Variants in GNAI1 observed in about 807,000 individuals in gnomAD.
GNAI1 encodes the protein G protein subunit alpha i1, also known as guanine nucleotide-binding protein G(i) subunit alpha-1.
Under a neutral mutation model 38.9 loss-of-function variants are expected in GNAI1, and 11 were observed. The ratio of observed to expected loss-of-function variants is 0.28; its 90% CI spans 0.18 to 0.47. The LOEUF is 0.47. Ranked by LOEUF, GNAI1 falls within the 20% of genes least tolerant of loss-of-function variation. The pLI is 0.99. For missense variants in GNAI1, 317 were observed against 436.9 expected (o/e 0.73, Z 2.45); for synonymous variants, 166 against 145.1 (o/e 1.14, Z -1.04).
intron 1 of GNAI1, among the ~76,000 whole-genome samples, chr7:80,168,187 G>A (rs551991363): frequency 1.3e-5 from 2 of 152,088 alleles, no homozygotes; most frequent in East Asian, 3.9e-4. Flanking sequence ...TACAAGAAAT[G>A]GCATTTGACA....
In GNAI1 at chr7:80,163,330, T is replaced by C. The variant is rs369342518; in HGVS notation, c.119-25621T>C. Among the ~76,000 whole-genome samples, 33 of 152,334 alleles carry C rather than the reference T, an allele frequency of 2.2e-4. No individual in the cohort carries two copies. The East Asian group carries it at 6.0e-3, about 28-fold the overall frequency. On this transcript the variant is annotated intron_variant, in intron 1 of 7. Transcript: ENST00000649796. ...TTCTGTGGGTAGGTTCATACCTGTT[T>C]ACCAAATGCAGGTGTCTTCTGAACA...
intron 1 of GNAI1, among the ~76,000 whole-genome samples, chr7:80,168,513 G>A (rs374497589): frequency 3.3e-5 from 5 of 151,862 alleles, no homozygotes; most frequent in East Asian, 1.9e-4. Context: ...TCAGCCTCCC[G>A]AGTAGCTGGG....
chr7:80,213,099 G>A (rs1042610056), intron 7 of GNAI1, among the ~76,000 whole-genome samples: 4 of 152,164 alleles, frequency 2.6e-5, no homozygotes, highest in Non-Finnish European at 4.4e-5. Flanking sequence ...ATAATTTTTA[G>A]TGATGACTCC....
At position 80,135,101 on chromosome 7, in the gene GNAI1, G is replaced by C. The variant is rs977845456; in HGVS notation, c.-60G>C. ...GCTAGGAGAGAGAAAGGATTCCCCT[G>C]TGCTTGGAGCCCGCACTCGGGCGCG... On this transcript the variant is annotated 5_prime_UTR_variant, in exon 1 of 8. Transcript: ENST00000649796. 4 of 1,196,324 alleles carry C rather than the reference G, an allele frequency of 3.3e-6. No homozygotes were observed. Among genetic ancestry groups the C allele is most frequent in the East Asian group, 2.8e-5 (1 of 35,280 alleles). The allele number at this position is 1,196,324 out of a possible 1,614,324, so 74.1% of individuals were successfully genotyped here. A position where few individuals can be genotyped will look rare whatever the true frequency, so the allele number is the denominator to read the frequency against.
intron 1 of GNAI1, among the ~76,000 whole-genome samples, chr7:80,141,293 A>G (rs908245512): frequency 6.6e-6 from 1 of 152,146 alleles, no homozygotes; most frequent in African/African-American, 2.4e-5. Context: ...TACAGCCACA[A>G]CTGACTGCAA....
chr7:80,199,232 C>T lies in GNAI1; in HGVS notation c.311C>T (p.Ala104Val). Residue 104 changes from alanine (A) to valine (V), a missense_variant, in exon 4 of 8, where the codon GCA becomes GTA. Coordinates refer to ENST00000649796, the MANE Select transcript of GNAI1 (RefSeq NM_002069.6). ...DFGDSARADD[A>V]RQLFVLAGAA... Reference sequence around the variant, plus strand: ...TGTCCTTTGAATGTTCAGGATGATGCACGCCAACTCTTTGTGCTAGCTGGA... The same window carrying T: ...TGTCCTTTGAATGTTCAGGATGATGTACGCCAACTCTTTGTGCTAGCTGGA... The T allele has an allele frequency of 1.9e-6, 3 of 1,607,064 alleles. No homozygotes were observed. Among genetic ancestry groups the T allele is most frequent in the Non-Finnish European group, 2.6e-6 (3 of 1,176,024 alleles).
intron 1 of GNAI1, among the ~76,000 whole-genome samples, chr7:80,137,848 T>G (rs1350700982): frequency 6.6e-6 from 1 of 152,184 alleles, no homozygotes; most frequent in Non-Finnish European, 1.5e-5. Flanking sequence ...TCCATCACCC[T>G]AGTCCTGTAA....
chr7:80,140,236 G>A (rs992710932), intron 1 of GNAI1, among the ~76,000 whole-genome samples: 5 of 151,758 alleles, frequency 3.3e-5, no homozygotes, highest in Admixed American at 6.6e-5. Context: ...CGCCTGCCGC[G>A]GCCTCCCAAA....
chr7:80,137,434 C>G (rs1787444033), intron 1 of GNAI1, among the ~76,000 whole-genome samples: 1 of 149,744 alleles, frequency 6.7e-6, no homozygotes. Context: ...GATTCTCCAG[C>G]CTCAGCCTCC....
Position 80,176,438 on chromosome 7 carries a change from C to T in GNAI1, c.119-12513C>T, listed in dbSNP as rs111580278. On this transcript the variant is annotated intron_variant, in intron 1 of 7. Transcript: ENST00000649796. ...CGTTGATGAAGATGACTACACTAAA[C>T]AACAGATTTTCAATGTAGGCAAAAC... is the stretch of plus-strand genomic sequence containing the variant. Among the ~76,000 whole-genome samples, 287 of 152,290 alleles carry T rather than the reference C, an allele frequency of 1.9e-3. 1 individual carries two copies. Among genetic ancestry groups the T allele is most frequent in the African/African-American group, 6.4e-3 (266 of 41,552 alleles).
At chr7:80,178,916 ATTATAC>A (rs1352903864) in intron 1 of GNAI1, among the ~76,000 whole-genome samples, 2 of 152,194 alleles carry the variant, frequency 1.3e-5, no homozygotes, top group African/African-American at 4.8e-5. Flanking sequence ...ACTATCCATA[ATTATAC>A]TTAAATGTTA....
At chr7:80,143,654 A>C (rs369022092) in intron 1 of GNAI1, among the ~76,000 whole-genome samples, 62 of 152,290 alleles carry the variant, frequency 4.1e-4, no homozygotes, top group African/African-American at 1.4e-3. Flanking sequence ...GCAAGTTACC[A>C]AATTTTATAA....
At chr7:80,211,123 G>A (rs1457473227) in intron 6 of GNAI1, 25 bp downstream of exon 6, 1 of 1,605,656 alleles carries the variant, frequency 6.2e-7, no homozygotes, top group African/African-American at 1.3e-5. Flanking sequence ...TTTAAGAGTT[G>A]AGCTTGAAAC....
chr7:80,153,274 T>TC (rs1229936837), intron 1 of GNAI1, among the ~76,000 whole-genome samples: 5 of 152,172 alleles, frequency 3.3e-5, no homozygotes, highest in Admixed American at 6.5e-5. Flanking sequence ...TCTTTTTTTT[T>TC]CCCATTAATA....
At chr7:80,147,980 G>A (rs536624826) in intron 1 of GNAI1, among the ~76,000 whole-genome samples, 1 of 152,072 alleles carries the variant, frequency 6.6e-6, no homozygotes, top group Admixed American at 6.6e-5. Flanking sequence ...ACACATTATT[G>A]GAACATTTCA....
intron 1 of GNAI1, among the ~76,000 whole-genome samples, chr7:80,155,399 A>G (rs1294570374): frequency 6.6e-6 from 1 of 152,202 alleles, no homozygotes; most frequent in Non-Finnish European, 1.5e-5. Flanking sequence ...TATAATGCCT[A>G]ACAGTGATTT....
chr7:80,213,491 T>G lies in GNAI1; in HGVS notation c.874+622T>G, dbSNP rs1265899294. 2.6e-5 allele frequency among the ~76,000 whole-genome samples: 4 copies of G among 152,172 alleles called. No homozygotes were observed. The East Asian group carries it at 7.7e-4, about 29-fold the overall frequency. On this transcript the variant is annotated intron_variant, in intron 7 of 7. Coordinates refer to ENST00000649796, the MANE Select transcript of GNAI1 (RefSeq NM_002069.6). The stretch of plus-strand genomic sequence containing the variant: ...AGCTCTTTGATCTTGAACAAGGCAG[T>G]TAGTTCACCTAGGTCTCAGTATTCC...
At chr7:80,181,880 TGTG>T (rs1390183100) in intron 1 of GNAI1, among the ~76,000 whole-genome samples, 2 of 152,168 alleles carry the variant, frequency 1.3e-5, no homozygotes, top group Non-Finnish European at 2.9e-5. Flanking sequence ...TACCATTTTT[TGTG>T]GTGAAAACAT....
intron 6 of GNAI1, 53 bp from the exon 7 acceptor site, chr7:80,212,663 C>T: frequency 4.6e-6 from 5 of 1,098,360 alleles, no homozygotes; most frequent in Non-Finnish European, 6.3e-6. Context: ...TTAAAATAGT[C>T]CTCAAAAATC....
Sources: gnomAD v4.1 joint callset for allele counts (sites outside exome capture counted in the v4.1 genomes callset) on GRCh38, gnomAD v4.1.1 for gene constraint, MANE v1.5 for transcripts, NCBI Gene and HGNC (gene_info 2026-07-23, HGNC 2026-07-21) for gene names.